ADAMTS19: variants seen among roughly 807,000 people sequenced by gnomAD.
ADAMTS19 encodes the protein A disintegrin and metalloproteinase with thrombospondin motifs 19.
A neutral mutation model predicts 153.3 loss-of-function variants in ADAMTS19; 93 were observed. The observed-to-expected ratio is 0.61, with a 90% CI of 0.51 to 0.72. The LOEUF is 0.72. ADAMTS19 is among the 30% of genes least tolerant of loss of function. ADAMTS19 has a pLI of 0.00. For synonymous variants in ADAMTS19, 600 were observed against 556.6 expected (o/e 1.08, Z -1.10); for missense variants, 1,482 against 1,552.1 (o/e 0.95, Z 0.76).
rs30645 is a variant in ADAMTS19, at chr5:129,679,759, T to C, written c.2507-5T>C. The C allele has an allele frequency of 0.51, 809,421 of 1,602,656 alleles. 214,295 individuals are homozygous for C. The highest frequency in any genetic ancestry group is 0.55 in the Non-Finnish European group (645,054 of 1,174,132). ...TACTCATTATATTTTTGAACCTCTT[T>C]ATAGCTCTCCGAGATGCTGGCAAAC... On this transcript the variant is annotated splice_region_variant and splice_polypyrimidine_tract_variant and intron_variant, in intron 16 of 22. Transcript: ENST00000274487.
At chr5:129,618,259 T>C (rs572391311) in intron 8 of ADAMTS19, among the ~76,000 whole-genome samples, 2 of 152,202 alleles carry the variant, frequency 1.3e-5, no homozygotes, top group East Asian at 3.9e-4. Flanking sequence ...ATCTTCCTAT[T>C]TTCTCTGTTG....
chr5:129,675,971 T>A (rs1045760867), intron 16 of ADAMTS19, among the ~76,000 whole-genome samples: 1 of 152,106 alleles, frequency 6.6e-6, no homozygotes, highest in Non-Finnish European at 1.5e-5. Flanking sequence ...GAGGTTGCAA[T>A]GACCTCTGCA....
intron 10 of ADAMTS19, among the ~76,000 whole-genome samples, chr5:129,639,963 A>G (rs1322144642): frequency 1.3e-5 from 2 of 152,150 alleles, no homozygotes; most frequent in Non-Finnish European, 1.5e-5. Flanking sequence ...CCTATTTTCA[A>G]TAGTTTAAAA....
At chr5:129,534,773 G>A (rs1265977656) in intron 6 of ADAMTS19, among the ~76,000 whole-genome samples, 1 of 152,080 alleles carries the variant, frequency 6.6e-6, no homozygotes, top group Non-Finnish European at 1.5e-5. Flanking sequence ...TTCAACATAC[G>A]AAAATCAATA....
chr5:129,462,695 T>A (rs1424092870), intron 2 of ADAMTS19, among the ~76,000 whole-genome samples: 3 of 152,190 alleles, frequency 2.0e-5, no homozygotes, highest in Admixed American at 2.0e-4. Context: ...ATTAAGTACA[T>A]TCACGTTGTT....
At chr5:129,630,962 C>A (rs1215178735) in intron 10 of ADAMTS19, among the ~76,000 whole-genome samples, 1 of 151,870 alleles carries the variant, frequency 6.6e-6, no homozygotes, top group Non-Finnish European at 1.5e-5. Context: ...CCAACAAACT[C>A]CTTAAAGGAT....
At chr5:129,661,487 A>T (rs763272945) in intron 15 of ADAMTS19, among the ~76,000 whole-genome samples, 39 of 152,176 alleles carry the variant, frequency 2.6e-4, no homozygotes, top group Non-Finnish European at 5.1e-4. Flanking sequence ...TTTGAAGGCC[A>T]TACAGCCCTG....
intron 21 of ADAMTS19, among the ~76,000 whole-genome samples, chr5:129,712,546 G>T (rs1756530533): frequency 6.6e-6 from 1 of 151,838 alleles, no homozygotes; most frequent in African/African-American, 2.4e-5. Context: ...CTATCAAATT[G>T]TTTTGTCTCT....
At chr5:129,690,061 G>A (rs1346119164) in intron 18 of ADAMTS19, among the ~76,000 whole-genome samples, 1 of 152,142 alleles carries the variant, frequency 6.6e-6, no homozygotes, top group Non-Finnish European at 1.5e-5. Context: ...AGCACTGACA[G>A]CTTGAATTAC....
In ADAMTS19 at chr5:129,470,023, C is replaced by T. The variant is rs569294326; in HGVS notation, c.747+8266C>T. ...TGCTGATCGAATAAGCTACATCGTA[C>T]ATTAAAAATAAACTATTTAATCATA... On this transcript the variant is annotated intron_variant, in intron 2 of 22. Coordinates refer to ENST00000274487, the MANE Select transcript of ADAMTS19 (RefSeq NM_133638.6). Among the ~76,000 whole-genome samples, 5 of 152,292 alleles carry T rather than the reference C, an allele frequency of 3.3e-5. No individual in the cohort carries two copies. The South Asian group carries it at 1.0e-3, about 32-fold the overall frequency.
Position 129,595,304 on chromosome 5 carries a change from C to T in ADAMTS19, c.1373-1255C>T, listed in dbSNP as rs573095146. On this transcript the variant is annotated intron_variant, in intron 7 of 22. Transcript: ENST00000274487. ...TCAGTCTTGAGACTTTCTGGAGTTC[C>T]ACCCAATTCAGAAGTTCTCTTCTCA... Among the ~76,000 whole-genome samples, 3 of 152,186 alleles carry T rather than the reference C, an allele frequency of 2.0e-5. No individual in the cohort carries two copies. The East Asian group carries it at 5.8e-4, about 29-fold the overall frequency.
chr5:129,596,531 TATA>T (rs1317997869), intron 7 of ADAMTS19, 25 bp from the exon 8 acceptor site: 4 of 1,414,748 alleles, frequency 2.8e-6, no homozygotes, highest in Non-Finnish European at 3.9e-6. Flanking sequence ...CATTCAGACA[TATA>T]ATAATTAATG....
At chr5:129,556,620 A>G (rs755128092) in intron 7 of ADAMTS19, among the ~76,000 whole-genome samples, 4 of 152,278 alleles carry the variant, frequency 2.6e-5, no homozygotes, top group Admixed American at 1.3e-4. Flanking sequence ...CTGTATTATC[A>G]TGGTAGGCCC....
At chr5:129,592,311 G>A (rs1022487892) in intron 7 of ADAMTS19, among the ~76,000 whole-genome samples, 4 of 150,508 alleles carry the variant, frequency 2.7e-5, no homozygotes, top group East Asian at 2.0e-4. Flanking sequence ...ACCGGGAGGC[G>A]GAGGTTGCAG....
chr5:129,719,562 C>T (rs1472372188), intron 21 of ADAMTS19, among the ~76,000 whole-genome samples: 1 of 151,676 alleles, frequency 6.6e-6, no homozygotes, highest in Non-Finnish European at 1.5e-5. Context: ...TTTCTTTAGC[C>T]CCATGTTCAA....
intron 8 of ADAMTS19, among the ~76,000 whole-genome samples, chr5:129,609,208 A>G (rs1751077628): frequency 6.6e-6 from 1 of 152,228 alleles, no homozygotes. Flanking sequence ...GCATTATTAG[A>G]CATACAGCCT....
At chr5:129,643,154 TACACACACAAAAGC>T (rs1234445749) in intron 11 of ADAMTS19, among the ~76,000 whole-genome samples, 1 of 149,574 alleles carries the variant, frequency 6.7e-6, no homozygotes, top group Non-Finnish European at 1.5e-5. Context: ...CAGATGTGAA[TACACACACAAAAGC>T]ACACACACAC....
chr5:129,509,809 T>G lies in ADAMTS19; in HGVS notation c.913+567T>G, dbSNP rs533873474. On this transcript the variant is annotated intron_variant, in intron 3 of 22. Coordinates refer to ENST00000274487, the MANE Select transcript of ADAMTS19 (RefSeq NM_133638.6). ...AGAGGCTCATAAACATTCCCAACCA[T>G]CAAATCCTTGGCTCTTTTTGTCTGC... is the stretch of plus-strand genomic sequence containing the variant. Among the ~76,000 whole-genome samples the G allele has an allele frequency of 4.6e-5, 7 of 152,060 alleles. No homozygotes were observed. The South Asian group carries it at 1.4e-3, about 31-fold the overall frequency.
At chr5:129,687,250 G>A (rs1391220025) in intron 18 of ADAMTS19, among the ~76,000 whole-genome samples, 1 of 152,166 alleles carries the variant, frequency 6.6e-6, no homozygotes, top group Admixed American at 6.5e-5. Context: ...GAGGAGTAAA[G>A]TGATGGACAG....
Sources: allele counts gnomAD v4.1 joint callset (sites outside exome capture counted in the v4.1 genomes callset), GRCh38; gene constraint gnomAD v4.1.1; transcripts MANE v1.5; gene names NCBI Gene and HGNC (gene_info 2026-07-23, HGNC 2026-07-21).